The following BCL3 variants were observed in gnomAD, a reference collection of about 807,000 sequenced individuals.
BCL3 encodes B-cell lymphoma 3 protein.
BCL3 carries 15 observed loss-of-function variants against 35.7 expected under a neutral mutation model. That is an observed-to-expected ratio of 0.42 (90% CI 0.28 to 0.65). BCL3 has a LOEUF of 0.65. Ranked by LOEUF, BCL3 falls within the 30% of genes least tolerant of loss-of-function variation. BCL3 has a pLI of 0.22. For synonymous variants in BCL3, 311 were observed against 284.3 expected (o/e 1.09, Z -0.95); for missense variants, 565 against 641.7 (o/e 0.88, Z 1.29).
chr19:44,750,416 A>T (rs1398238747), intron 1 of BCL3, among the ~76,000 whole-genome samples: 1 of 152,026 alleles, frequency 6.6e-6, no homozygotes, highest in African/African-American at 2.4e-5. Context: ...CTTGTGCCTC[A>T]GCCTCCCGAG....
upstream of BCL3, chr19:44,747,999 G>A (rs1158537700): frequency 5.3e-6 from 7 of 1,328,884 alleles, no homozygotes; most frequent in Non-Finnish European, 6.9e-6. Context: ...AGAGATGGAA[G>A]AGGGGAGGGA....
chr19:44,757,719 TGCAGGTGCGTACAGC>T lies in BCL3; in HGVS notation c.888_891+11del. 1 of 1,613,716 alleles carries T rather than the reference TGCAGGTGCGTACAGC, an allele frequency of 6.2e-7. No individual in the cohort carries two copies. Among genetic ancestry groups the T allele is most frequent in the East Asian group, 2.2e-5 (1 of 44,860 alleles). On this transcript the variant is annotated splice_donor_variant and splice_donor_5th_base_variant and coding_sequence_variant and intron_variant, in exon 6 of 9. Transcript: ENST00000164227. LOFTEE classifies it high-confidence loss of function. This position sits in a 1 kb window ranked among gnomAD's most constrained non-coding sequence, Gnocchi z 8.4. ...AGCCTTAGCATGGTGCAGCTGCTGC[TGCAGGTGCGTACAGC>T]CCCCCTGAGCCTCGCGCCCACCCTA...
At position 44,751,327 on chromosome 19, in the gene BCL3, C is replaced by G. The variant is rs766714413; in HGVS notation, c.357C>G (p.His119Gln). 3 of 1,605,486 alleles carry G rather than the reference C, an allele frequency of 1.9e-6. No homozygotes were observed. In the East Asian group the frequency reaches 6.8e-5, roughly 36 times the overall value. ...PLYPMMCPME[H>Q]PLSADIAMAT... Reference sequence around the variant, plus strand: ...ACCCCATGATGTGCCCCATGGAACACCCCCTTTCTGCTGACATCGCCATGG... The same window carrying G: ...ACCCCATGATGTGCCCCATGGAACAGCCCCTTTCTGCTGACATCGCCATGG... Residue 119 changes from histidine to glutamine, a missense_variant, in exon 2 of 9, where the codon CAC (histidine) becomes CAG (glutamine). Around this residue, in one of 5 missense-constraint regions of BCL3, gnomAD observed 267 missense variants for 281.5 expected, o/e 0.95. Transcript: ENST00000164227.
upstream of BCL3, chr19:44,748,622 G>A (rs917769306): frequency 8.6e-6 from 7 of 813,308 alleles, no homozygotes; most frequent in Non-Finnish European, 1.1e-5. Flanking sequence ...TGGGGCGTAC[G>A]GGTGGCCCCG....
chr19:44,757,289 C>T lies in BCL3; in HGVS notation c.725-38C>T. On this transcript the variant is annotated intron_variant, in intron 4 of 8. Coordinates refer to ENST00000164227, the MANE Select transcript of BCL3 (RefSeq NM_005178.5). This position sits in a 1 kb window ranked among gnomAD's most constrained non-coding sequence, Gnocchi z 8.4. ...CTGGAGTCCATCAGCGGCCGCAAAG[C>T]CCGGGCCTAGGTTTCACCGAGCCCT... The T allele has an allele frequency of 6.4e-7, 1 of 1,573,532 alleles. No homozygotes were observed. Among genetic ancestry groups the T allele is most frequent in the Non-Finnish European group, 8.6e-7 (1 of 1,159,080 alleles).
chr19:44,753,233 G>C (rs1002995457), intron 2 of BCL3, among the ~76,000 whole-genome samples: 7 of 152,184 alleles, frequency 4.6e-5, no homozygotes, highest in African/African-American at 1.7e-4. Context: ...ATAAAACCTA[G>C]TTCCCTCCCC....
chr19:44,748,579 G>C, upstream of BCL3: 1 of 439,162 alleles, frequency 2.3e-6, no homozygotes. Flanking sequence ...GCACCTCAGA[G>C]CGGCGGGAGC....
intron 8 of BCL3, 95 bp from the exon 9 acceptor site, chr19:44,759,333 C>CCCCTCCTCCCTCAGACCCCCAGG: frequency 1.1e-6 from 1 of 894,436 alleles, no homozygotes; most frequent in Non-Finnish European, 1.7e-6. Context: ...AGACCCCCAG[C>CCCCTCCTCCCTCAGACCCCCAGG]CCCTCCTCCC....
chr19:44,753,619 G>A (rs1266102663), intron 2 of BCL3, among the ~76,000 whole-genome samples: 2 of 152,012 alleles, frequency 1.3e-5, no homozygotes, highest in African/African-American at 4.8e-5. Context: ...CCCAGCCTGC[G>A]CCACCGGCTC....
Position 44,757,739 on chromosome 19 carries a change from C to T in BCL3, c.891+16C>T. ...GCTGCTGCAGGTGCGTACAGCCCCC[C>T]TGAGCCTCGCGCCCACCCTATCCTC... is the stretch of plus-strand genomic sequence containing the variant. On this transcript the variant is annotated intron_variant, in intron 6 of 8. Coordinates refer to ENST00000164227, the MANE Select transcript of BCL3 (RefSeq NM_005178.5). The surrounding 1 kb of genome is among the most constrained non-coding windows in gnomAD (Gnocchi z 8.4). 1 of 1,612,224 alleles carries T rather than the reference C, an allele frequency of 6.2e-7. No individual in the cohort carries two copies. The highest frequency in any genetic ancestry group is 8.5e-7 in the Non-Finnish European group (1 of 1,178,822).
intron 2 of BCL3, among the ~76,000 whole-genome samples, chr19:44,751,922 C>T (rs545250018): frequency 2.2e-4 from 34 of 152,230 alleles, no homozygotes; most frequent in Admixed American, 8.5e-4. Context: ...ATTTTTGGAA[C>T]GGTGGTCTTT....
chr19:44,747,871 G>T, upstream of BCL3: 2 of 1,144,746 alleles, frequency 1.7e-6, no homozygotes, highest in Non-Finnish European at 2.2e-6. Context: ...TGCCCCGCGG[G>T]CCCCGGCTGG....
upstream of BCL3, chr19:44,748,011 A>T: frequency 2.3e-6 from 3 of 1,319,492 alleles, no homozygotes; most frequent in Non-Finnish European, 3.0e-6. Flanking sequence ...GGGGAGGGAG[A>T]GGAATCGTTC....
At chr19:44,749,297 G>GC (rs1250980586) in intron 1 of BCL3, among the ~76,000 whole-genome samples, 3 of 129,820 alleles carry the variant, frequency 2.3e-5, no homozygotes, top group African/African-American at 5.8e-5. Context: ...GGGGGGGGGG[G>GC]CCAGGGACAA....
intron 2 of BCL3, among the ~76,000 whole-genome samples, chr19:44,753,828 C>G (rs867448789): frequency 0.022 from 725 of 32,278 alleles, no homozygotes; most frequent in Non-Finnish European, 0.03. Flanking sequence ...AAGGCGGGGG[C>G]GGGGGGGGGG....
chr19:44,756,547 T>TGG (rs1967288261), intron 3 of BCL3, among the ~76,000 whole-genome samples: 16 of 135,516 alleles, frequency 1.2e-4, no homozygotes, highest in African/African-American at 5.1e-4. Flanking sequence ...GGAGGAGGGC[T>TGG]GGGTCCTGGG....
upstream of BCL3, chr19:44,747,798 C>T (rs933995186): frequency 9.2e-7 from 1 of 1,088,876 alleles, no homozygotes; most frequent in African/African-American, 1.6e-5. Context: ...CTCAAGATCT[C>T]TGCGCCTGTC....
At position 44,757,473 on chromosome 19, in the gene BCL3, C is replaced by CGGGGGGGGGGTTTGGGG; in HGVS notation, c.813+63_813+64insGGGGGTTTGGGGGGGGG. 2 of 220,664 alleles carry CGGGGGGGGGGTTTGGGG rather than the reference C, an allele frequency of 9.1e-6. No homozygotes were observed. The highest frequency in any genetic ancestry group is 1.4e-5 in the Non-Finnish European group (2 of 143,872). 13.7% of individuals were successfully genotyped at this position (220,664 alleles called of 1,614,324 possible). ...GGCCTTAGCAGGGGCGGGGTCTTGG[C>CGGGGGGGGGGTTTGGGG]GGGGGCGGGGCCAGTGTGGGGCTGG... On this transcript the variant is annotated intron_variant, in intron 5 of 8. Transcript: ENST00000164227. The surrounding 1 kb of genome is among the most constrained non-coding windows in gnomAD (Gnocchi z 8.4).
At chr19:44,753,303 C>G (rs1454669239) in intron 2 of BCL3, among the ~76,000 whole-genome samples, 1 of 152,198 alleles carries the variant, frequency 6.6e-6, no homozygotes, top group Non-Finnish European at 1.5e-5. Flanking sequence ...TCTCTGCCCC[C>G]AGTGGTGAGC....
Sources: gnomAD v4.1 joint callset for allele counts (sites outside exome capture counted in the v4.1 genomes callset) on GRCh38, gnomAD v4.1.1 for gene constraint, gnomAD v4.1.1 regional missense constraint, Gnocchi (gnomAD v3.1) non-coding constraint, MANE v1.5 for transcripts, NCBI Gene and HGNC (gene_info 2026-07-23, HGNC 2026-07-21) for gene names.